Variants in PPP6R2 observed in about 807,000 individuals in gnomAD.
PPP6R2 encodes the protein serine/threonine-protein phosphatase 6 regulatory subunit 2.
In PPP6R2, 62 loss-of-function variants were observed where a neutral mutation model predicts 100.2. That is an observed-to-expected ratio of 0.62 (90% CI 0.50 to 0.76). The LOEUF (loss-of-function observed/expected upper bound fraction) is 0.76. Among genes scored for constraint, PPP6R2 ranks in the 30% least tolerant of loss-of-function variants. PPP6R2 has a pLI of 0.00. For synonymous variants in PPP6R2, 525 were observed against 514.7 expected (o/e 1.02, Z -0.27); for missense variants, 1,142 against 1,276.3 (o/e 0.89, Z 1.60).
intron 18 of PPP6R2, 80 bp from the exon 19 acceptor site, chr22:50,438,519 C>T (rs111392413): frequency 1.0e-5 from 16 of 1,536,684 alleles, no homozygotes; most frequent in Middle Eastern, 2.2e-4. Context: ...CCCTCAGCCC[C>T]GAGCCTGGGG....
chr22:50,421,993 C>T (rs2061400487), intron 8 of PPP6R2, among the ~76,000 whole-genome samples: 1 of 151,720 alleles, frequency 6.6e-6, no homozygotes, highest in South Asian at 2.1e-4. Context: ...CCAGTGAGTC[C>T]TGTGTTGTGT....
At chr22:50,349,211 A>AAG (rs1489757659) in intron 1 of PPP6R2, among the ~76,000 whole-genome samples, 12 of 148,574 alleles carry the variant, frequency 8.1e-5, no homozygotes, top group African/African-American at 2.4e-4. Flanking sequence ...AAAAAAAAAA[A>AAG]AAAAAAGTTG....
chr22:50,353,817 CTTTTT>C (rs111868603), intron 1 of PPP6R2, among the ~76,000 whole-genome samples: 1 of 137,380 alleles, frequency 7.3e-6, no homozygotes, highest in African/African-American at 2.7e-5. Flanking sequence ...AAGCCTCTCC[CTTTTT>C]TTTTTTTTTT....
At chr22:50,356,481 A>G (rs1437247547) in intron 1 of PPP6R2, among the ~76,000 whole-genome samples, 1 of 151,254 alleles carries the variant, frequency 6.6e-6, no homozygotes. Context: ...TTTTTTTTGT[A>G]TTTTTAGTAG....
chr22:50,400,109 G>A (rs1444935634), intron 3 of PPP6R2, among the ~76,000 whole-genome samples: 1 of 152,216 alleles, frequency 6.6e-6, no homozygotes, highest in Non-Finnish European at 1.5e-5. Context: ...GGAAGCAGCA[G>A]TGGGTCACAG....
intron 2 of PPP6R2, among the ~76,000 whole-genome samples, chr22:50,383,238 G>A (rs533575102): frequency 6.6e-6 from 1 of 152,302 alleles, no homozygotes; most frequent in East Asian, 1.9e-4. Context: ...GTTTTAAGAT[G>A]TTGGTGTTTT....
At chr22:50,352,047 G>A (rs1195053069) in intron 1 of PPP6R2, among the ~76,000 whole-genome samples, 4 of 151,420 alleles carry the variant, frequency 2.6e-5, no homozygotes, top group African/African-American at 4.9e-5. Flanking sequence ...CGCCTGCCTC[G>A]GCCTCCCAAA....
intron 1 of PPP6R2, among the ~76,000 whole-genome samples, chr22:50,369,734 T>C (rs1348033114): frequency 1.3e-5 from 2 of 151,996 alleles, no homozygotes; most frequent in African/African-American, 4.8e-5. Context: ...CTTGAACTCC[T>C]GACCTCAAGT....
At chr22:50,416,655 A>G (rs1407209923) in intron 6 of PPP6R2, among the ~76,000 whole-genome samples, 1 of 151,954 alleles carries the variant, frequency 6.6e-6, no homozygotes, top group Non-Finnish European at 1.5e-5. Flanking sequence ...TTAACTGAAA[A>G]ATAATCTATG....
chr22:50,388,703 C>A (rs1304268549), intron 2 of PPP6R2, among the ~76,000 whole-genome samples: 1 of 151,924 alleles, frequency 6.6e-6, no homozygotes, highest in Admixed American at 6.6e-5. Flanking sequence ...GAAACCCAGT[C>A]CTTAATAAAA....
At position 50,414,689 on chromosome 22, in the gene PPP6R2, C is replaced by G. The variant is rs544160556; in HGVS notation, c.552C>G (p.His184Gln). ...EPAGLRQDVLHWLNEEKVIQR... is the reference protein window; with the variant it reads ...EPAGLRQDVLQWLNEEKVIQR... ...CCGGGCTCCGGCAGGACGTCCTGCACGTGAGTGCGGGAGTCCCCCCCCGTT... is the reference window on the plus strand; with the variant it reads ...CCGGGCTCCGGCAGGACGTCCTGCAGGTGAGTGCGGGAGTCCCCCCCCGTT... Residue 184 changes from histidine (H) to glutamine (Q), a missense_variant and splice_region_variant, in exon 5 of 24, where the codon CAC (histidine) becomes CAG (glutamine). His to Gln is a conservative substitution (Grantham distance 24, BLOSUM62 0). This residue lies in a region of PPP6R2 where 592 missense variants were observed against 758.9 expected (regional missense o/e 0.78). Coordinates refer to ENST00000612753, the MANE Select transcript of PPP6R2 (RefSeq NM_001242898.2). The G allele has an allele frequency of 6.2e-7, 1 of 1,603,482 alleles. No individual in the cohort carries two copies. The highest frequency in any genetic ancestry group is 2.3e-5 in the East Asian group (1 of 43,892).
intron 22 of PPP6R2, among the ~76,000 whole-genome samples, chr22:50,442,687 C>G (rs1377990448): frequency 6.6e-6 from 1 of 152,038 alleles, no homozygotes; most frequent in Non-Finnish European, 1.5e-5. Flanking sequence ...GTAGCTGGGA[C>G]TACAGGCATC....
chr22:50,339,003 A>G (rs372975430), upstream of PPP6R2, among the ~76,000 whole-genome samples: 2,163 of 55,374 alleles, frequency 0.039, 29 homozygotes, highest in South Asian at 0.081. Flanking sequence ...TATGTGTGGT[A>G]TGTGGTGTGT....
intron 10 of PPP6R2, among the ~76,000 whole-genome samples, chr22:50,426,512 G>A (rs1005268881): frequency 6.6e-6 from 1 of 152,028 alleles, no homozygotes. Flanking sequence ...TTTGCATGGG[G>A]TTATCCAGTT....
chr22:50,419,143 G>A (rs2060955541), intron 7 of PPP6R2, among the ~76,000 whole-genome samples, 164 bp downstream of exon 7: 1 of 152,220 alleles, frequency 6.6e-6, no homozygotes, highest in South Asian at 2.1e-4. Flanking sequence ...TGTTTCCAGA[G>A]GGAGGGGTCT....
chr22:50,443,984 A>G lies in PPP6R2; in HGVS notation c.2698A>G (p.Ser900Gly), dbSNP rs769540927. 1 of 1,612,638 alleles carries G rather than the reference A, an allele frequency of 6.2e-7. No individual in the cohort carries two copies. Among genetic ancestry groups the G allele is most frequent in the Admixed American group, 1.7e-5 (1 of 59,958 alleles). Reference sequence around the variant, plus strand: ...TACTGTGGCCATCACCACAGCACTGAGCAAGGCTGGCCCCGCCATACCCAC... The same window carrying G: ...TACTGTGGCCATCACCACAGCACTGGGCAAGGCTGGCCCCGCCATACCCAC... Reference protein sequence around the residue: ...EATVAITTALSKAGPAIPTPA... With the variant: ...EATVAITTALGKAGPAIPTPA... Residue 900 changes from serine (S) to glycine (G), a missense_variant, in exon 23 of 24, where the codon AGC (serine) becomes GGC (glycine). Physicochemically the swap from Ser to Gly is moderately conservative, Grantham distance 56. This residue lies in a region of PPP6R2 where 550 missense variants were observed against 517.4 expected (regional missense o/e 1.06). Coordinates refer to ENST00000612753, the MANE Select transcript of PPP6R2 (RefSeq NM_001242898.2).
chr22:50,361,593 G>T (rs2047804026), intron 1 of PPP6R2, among the ~76,000 whole-genome samples: 1 of 151,844 alleles, frequency 6.6e-6, no homozygotes, highest in Non-Finnish European at 1.5e-5. Flanking sequence ...TTTTCTGCTT[G>T]TTTGACAATG....
At chr22:50,335,707 G>C in the PPP6R2 span, among the ~76,000 whole-genome samples, 1 of 119,516 alleles carries the variant, frequency 8.4e-6, no homozygotes, top group Non-Finnish European at 1.7e-5. Context: ...ATGGAGTCTC[G>C]CTCTGTCACC....
chr22:50,381,907 C>CAAAAAAAAAA (rs369812450), intron 2 of PPP6R2, among the ~76,000 whole-genome samples: 1 of 95,754 alleles, frequency 1.0e-5, no homozygotes, highest in African/African-American at 4.0e-5. Context: ...GACTCCGTCT[C>CAAAAAAAAAA]AAAAAAAAAA....
Sources: gnomAD v4.1 joint callset for allele counts (sites outside exome capture counted in the v4.1 genomes callset) on GRCh38, gnomAD v4.1.1 for gene constraint, gnomAD v4.1.1 regional missense constraint, MANE v1.5 for transcripts, NCBI Gene and HGNC (gene_info 2026-07-23, HGNC 2026-07-21) for gene names.